Variants in KHDRBS2 observed in about 807,000 individuals in gnomAD.
KHDRBS2 encodes the protein KH RNA binding domain containing, signal transduction associated 2, also known as KH domain-containing, RNA-binding, signal transduction-associated protein 2.
Under a neutral mutation model 44.3 loss-of-function variants are expected in KHDRBS2, and 26 were observed. The observed-to-expected ratio is 0.59, with a 90% confidence interval of 0.43 to 0.81. The LOEUF (loss-of-function observed/expected upper bound fraction) is 0.81, where lower values mean the gene tolerates loss of function less well. Ranked by LOEUF, KHDRBS2 falls within the 40% of genes least tolerant of loss-of-function variation. The pLI is 0.00. For synonymous variants in KHDRBS2, 194 were observed against 151.1 expected (o/e 1.28, Z -2.08); for missense variants, 476 against 433.1 (o/e 1.10, Z -0.88).
At chr6:61,597,293 C>A in the KHDRBS2 span, among the ~76,000 whole-genome samples, 1 of 151,942 alleles carries the variant, frequency 6.6e-6, no homozygotes, top group Non-Finnish European at 1.5e-5. Flanking sequence ...ACTTTGGGGA[C>A]CAATTTAGTT....
chr6:62,178,407 T>A (rs1253075617), intron 1 of KHDRBS2, among the ~76,000 whole-genome samples: 2 of 151,636 alleles, frequency 1.3e-5, no homozygotes, highest in African/African-American at 4.8e-5. Context: ...GAATACATGA[T>A]GTTTTCTGCT....
intron 3 of KHDRBS2, among the ~76,000 whole-genome samples, chr6:62,018,726 G>A (rs931061406): frequency 6.6e-6 from 1 of 152,084 alleles, no homozygotes; most frequent in Non-Finnish European, 1.5e-5. Flanking sequence ...GTAGACAAGA[G>A]AAAAATCCGT....
chr6:62,286,131 C>A lies in KHDRBS2; in HGVS notation c.-183G>T, dbSNP rs993058503. On this transcript the variant is annotated 5_prime_UTR_variant, in exon 1 of 9. Coordinates refer to ENST00000281156, the MANE Select transcript of KHDRBS2 (RefSeq NM_152688.4). ...ACTCCCGCCGTCGGGCTGCGTGGCC[C>A]CGCGCCCACACCTGCCCGTCCCTTC... 4 of 577,198 alleles carry A rather than the reference C, an allele frequency of 6.9e-6. No individual in the cohort carries two copies. The African/African-American group carries it at 7.9e-5, about 11-fold the overall frequency. The allele number at this position is 577,198 out of a possible 1,614,324, so 35.8% of individuals were successfully genotyped here.
chr6:61,572,661 T>C, the KHDRBS2 span, among the ~76,000 whole-genome samples: 32 of 152,314 alleles, frequency 2.1e-4, 1 homozygote, highest in East Asian at 6.0e-3. Context: ...CAGCGATGGT[T>C]TAACATATGC....
At chr6:61,739,830 T>C (rs1403187210) in intron 6 of KHDRBS2, among the ~76,000 whole-genome samples, 1 of 151,934 alleles carries the variant, frequency 6.6e-6, no homozygotes, top group East Asian at 1.9e-4. Flanking sequence ...ACCAAACAGA[T>C]ACACTAGACA....
At chr6:61,695,976 T>G (rs761455119) in intron 8 of KHDRBS2, among the ~76,000 whole-genome samples, 5 of 152,070 alleles carry the variant, frequency 3.3e-5, no homozygotes, top group Non-Finnish European at 7.4e-5. Context: ...TTTAATTTAT[T>G]TATTTTTGTT....
chr6:62,284,605 T>C (rs1448522602), intron 1 of KHDRBS2, among the ~76,000 whole-genome samples: 2 of 152,112 alleles, frequency 1.3e-5, no homozygotes, highest in East Asian at 3.8e-4. Flanking sequence ...TATTTCACCT[T>C]CCCACTTATC....
chr6:61,679,840 A>G (rs1250597365), downstream of KHDRBS2: 2 of 151,984 alleles, frequency 1.3e-5, no homozygotes, highest in Non-Finnish European at 2.9e-5. Context: ...AGAACTAGGC[A>G]TTTAGACAGT....
At chr6:61,660,710 C>A in the KHDRBS2 span, among the ~76,000 whole-genome samples, 1 of 151,732 alleles carries the variant, frequency 6.6e-6, no homozygotes, top group Non-Finnish European at 1.5e-5. Context: ...CCATTCCATC[C>A]CATTTCATTC....
At chr6:61,579,250 C>T in the KHDRBS2 span, among the ~76,000 whole-genome samples, 84 of 152,144 alleles carry the variant, frequency 5.5e-4, no homozygotes, top group African/African-American at 5.8e-4. Context: ...AACTTCTCTT[C>T]GGTAATGAAG....
At chr6:62,275,047 A>G (rs1283845803) in intron 1 of KHDRBS2, among the ~76,000 whole-genome samples, 4 of 151,624 alleles carry the variant, frequency 2.6e-5, no homozygotes, top group Admixed American at 6.6e-5. Context: ...ACACACATAT[A>G]TATTCCACTC....
At chr6:61,810,572 A>G (rs1401488354) in intron 6 of KHDRBS2, among the ~76,000 whole-genome samples, 1 of 152,142 alleles carries the variant, frequency 6.6e-6, no homozygotes, top group Non-Finnish European at 1.5e-5. Flanking sequence ...AAAATTTAAT[A>G]AAAATGTATA....
chr6:62,236,813 T>C (rs1833782379), intron 1 of KHDRBS2, among the ~76,000 whole-genome samples: 1 of 152,206 alleles, frequency 6.6e-6, no homozygotes, highest in South Asian at 2.1e-4. Flanking sequence ...AACATGTGCT[T>C]GGCGTAACTT....
At chr6:62,184,004 G>A (rs1563020891) in intron 1 of KHDRBS2, among the ~76,000 whole-genome samples, 1 of 151,596 alleles carries the variant, frequency 6.6e-6, no homozygotes, top group African/African-American at 2.4e-5. Flanking sequence ...TTTCCACTCT[G>A]AAATTATGCT....
At chr6:61,644,931 G>A in the KHDRBS2 span, among the ~76,000 whole-genome samples, 2 of 152,020 alleles carry the variant, frequency 1.3e-5, no homozygotes, top group African/African-American at 2.4e-5. Flanking sequence ...GCTAAAAACA[G>A]AATTACTATT....
intron 1 of KHDRBS2, among the ~76,000 whole-genome samples, chr6:62,201,108 T>C (rs894573567): frequency 3.3e-5 from 5 of 152,038 alleles, no homozygotes; most frequent in African/African-American, 1.2e-4. Flanking sequence ...CAGGGAGAGA[T>C]AGCATTAGGA....
chr6:61,681,026 C>T lies in KHDRBS2; in HGVS notation c.987G>A (p.Leu329=). 1 of 1,611,792 alleles carries T rather than the reference C, an allele frequency of 6.2e-7. No homozygotes were observed. The highest frequency in any genetic ancestry group is 8.5e-7 in the Non-Finnish European group (1 of 1,178,616). The change falls in exon 9 of 9, where the codon TTG becomes TTA. Residue 329 remains leucine, a synonymous_variant. Transcript: ENST00000281156. Reference sequence around the variant, plus strand: ...TGGCTGACCTTTGCGGTGGTGCCTTCAAGCTAGAGCGGGTTGTGGCCCATT... The same window carrying T: ...TGGCTGACCTTTGCGGTGGTGCCTTTAAGCTAGAGCGGGTTGTGGCCCATT... The part of the protein sequence containing the change: ...PEEWATTRSS[L]KAPPQRSARG...
At chr6:61,619,079 G>C in the KHDRBS2 span, among the ~76,000 whole-genome samples, 1 of 152,116 alleles carries the variant, frequency 6.6e-6, no homozygotes, top group African/African-American at 2.4e-5. Context: ...GAGTAAGTGA[G>C]CTAAGTTTGG....
At chr6:61,954,436 C>CATACATATATACGTATGTATGTATGT (rs1562509915) in intron 4 of KHDRBS2, among the ~76,000 whole-genome samples, 5 of 65,412 alleles carry the variant, frequency 7.6e-5, no homozygotes, top group Non-Finnish European at 2.0e-4. Context: ...TGTATGCATG[C>CATACATATATACGTATGTATGTATGT]ATACATATAT....
Sources: allele counts gnomAD v4.1 joint callset (sites outside exome capture counted in the v4.1 genomes callset), GRCh38; gene constraint gnomAD v4.1.1; transcripts MANE v1.5; gene names NCBI Gene and HGNC (gene_info 2026-07-23, HGNC 2026-07-21).